SULF2: variants seen among roughly 807,000 people sequenced by gnomAD.
The protein encoded by SULF2 is extracellular sulfatase Sulf-2.
Under a neutral mutation model 107.7 loss-of-function variants are expected in SULF2, and 52 were observed. The observed-to-expected ratio is 0.48, with a 90% confidence interval of 0.39 to 0.61. The LOEUF (loss-of-function observed/expected upper bound fraction) is 0.61, where lower values mean the gene tolerates loss of function less well. Ranked by LOEUF, SULF2 falls within the 20% of genes least tolerant of loss-of-function variation. The probability of loss-of-function intolerance (pLI) is 0.00; values close to 1 mark genes in which losing one functional copy is unlikely to be tolerated. For missense variants in SULF2, 993 were observed against 1,177.3 expected (o/e 0.84, Z 2.29); for synonymous variants, 460 against 464.3 (o/e 0.99, Z 0.12).
intron 3 of SULF2, among the ~76,000 whole-genome samples, chr20:47,725,002 T>A (rs1401363868): frequency 6.6e-6 from 1 of 152,172 alleles, no homozygotes; most frequent in Non-Finnish European, 1.5e-5. Flanking sequence ...AGGAAAGCAA[T>A]TTATAATGAA....
chr20:47,693,465 A>C (rs1426944884), intron 4 of SULF2, among the ~76,000 whole-genome samples: 1 of 152,240 alleles, frequency 6.6e-6, no homozygotes, highest in Non-Finnish European at 1.5e-5. Context: ...ACTTTTTTAA[A>C]AATAAAGCTA....
In SULF2 at chr20:47,663,131, A is replaced by T; in HGVS notation, c.2309T>A (p.Leu770His). 1.2e-6 allele frequency: 2 copies of T among 1,614,138 alleles called. No individual in the cohort carries two copies. The highest frequency in any genetic ancestry group is 1.7e-6 in the Non-Finnish European group (2 of 1,180,030). The change falls in exon 17 of 21, where the codon CTC (leucine) becomes CAC (histidine). Residue 770 changes from leucine to histidine, a missense_variant. This residue lies in a region of SULF2 where 497 missense variants were observed against 544.1 expected (regional missense o/e 0.91). Transcript: ENST00000688720. ...MRTINETHNF[L>H]FCEFATGFLE... is the part of the protein sequence containing the mutation. Reference sequence around the variant, plus strand: ...GAAGCCAGTTGCAAATTCACAGAAGAGGAAATTGTGAGTCTCATTGATGGT... The same window carrying T: ...GAAGCCAGTTGCAAATTCACAGAAGTGGAAATTGTGAGTCTCATTGATGGT...
intron 3 of SULF2, among the ~76,000 whole-genome samples, chr20:47,734,700 T>TAA (rs2089689138): frequency 6.6e-6 from 1 of 152,214 alleles, no homozygotes; most frequent in Non-Finnish European, 1.5e-5. Context: ...AATGGGATTC[T>TAA]TTGTACAGAG....
chr20:47,684,679 T>TGCAGACACAGCACAGG, intron 5 of SULF2, 98 bp from the exon 6 acceptor site: 1 of 1,303,512 alleles, frequency 7.7e-7, no homozygotes, highest in Non-Finnish European at 1.1e-6. Context: ...CACCCTGTGC[T>TGCAGACACAGCACAGG]GTGTCTGCAG....
At chr20:47,764,995 G>T (rs1225632466) in intron 1 of SULF2, among the ~76,000 whole-genome samples, 2 of 152,114 alleles carry the variant, frequency 1.3e-5, no homozygotes, top group African/African-American at 4.8e-5. Context: ...TGCAGCATGG[G>T]TGCTGAATAC....
chr20:47,661,606 A>G, intron 18 of SULF2, 167 bp downstream of exon 18: 3 of 546,022 alleles, frequency 5.5e-6, no homozygotes, highest in Non-Finnish European at 9.0e-6. Context: ...AGCTTGTTAA[A>G]GGTCATCTGC....
chr20:47,657,888 T>G lies in SULF2; in HGVS notation c.*474A>C, dbSNP rs143440459. The G allele has an allele frequency of 2.1e-3, 384 of 185,786 alleles. 1 individual carries two copies. Among genetic ancestry groups the G allele is most frequent in the African/African-American group, 8.6e-3 (364 of 42,372 alleles). The allele number at this position is 185,786 out of a possible 1,614,324, so 11.5% of individuals were successfully genotyped here. On this transcript the variant is annotated 3_prime_UTR_variant, in exon 21 of 21. Coordinates refer to ENST00000688720, the MANE Select transcript of SULF2 (RefSeq NM_001387048.1). ...CATTGTCAAACGTCTCTGCACTGTTTTCAGCCTCTCCACGTTGCCTCTGTC... is the reference window on the plus strand; with the variant it reads ...CATTGTCAAACGTCTCTGCACTGTTGTCAGCCTCTCCACGTTGCCTCTGTC...
intron 3 of SULF2, among the ~76,000 whole-genome samples, chr20:47,729,263 C>G (rs73624697): frequency 0.031 from 4,681 of 152,124 alleles, 126 homozygotes; most frequent in East Asian, 0.11. Context: ...TGAGAGGGTT[C>G]AGAGAGAAGG....
chr20:47,733,472 T>C (rs1021341475), intron 3 of SULF2, among the ~76,000 whole-genome samples: 2 of 152,220 alleles, frequency 1.3e-5, no homozygotes, highest in South Asian at 2.1e-4. Context: ...TAAATATCAT[T>C]AGATGCAACC....
At chr20:47,725,134 G>A (rs535361643) in intron 3 of SULF2, among the ~76,000 whole-genome samples, 1 of 152,338 alleles carries the variant, frequency 6.6e-6, no homozygotes, top group Admixed American at 6.5e-5. Flanking sequence ...AGGGCAGCTG[G>A]GTGGGCGGGC....
rs185721368 is a variant in SULF2, at chr20:47,759,640, C to T, written c.-100-2177G>A. On this transcript the variant is annotated intron_variant, in intron 1 of 20. Transcript: ENST00000688720. ...CTGGGAAATGGAGGTTGCAGTGAGCCGAGATCATGTCATTGCACTCCAGCC... is the reference window on the plus strand; with the variant it reads ...CTGGGAAATGGAGGTTGCAGTGAGCTGAGATCATGTCATTGCACTCCAGCC... 1.4e-3 allele frequency among the ~76,000 whole-genome samples: 212 copies of T among 152,276 alleles called. 1 individual carries two copies. The highest frequency in any genetic ancestry group is 2.1e-3 in the Non-Finnish European group (143 of 68,024).
At chr20:47,660,768 T>G (rs2087038841) in intron 18 of SULF2, among the ~76,000 whole-genome samples, 1 of 152,116 alleles carries the variant, frequency 6.6e-6, no homozygotes, top group African/African-American at 2.4e-5. Context: ...CAACCATGCC[T>G]GTTTAGCTTT....
At chr20:47,727,923 A>C (rs1322341698) in intron 3 of SULF2, among the ~76,000 whole-genome samples, 1 of 152,178 alleles carries the variant, frequency 6.6e-6, no homozygotes. Context: ...AATTAGAGGA[A>C]GAAATTTCGC....
At chr20:47,713,060 G>A (rs2088988353) in intron 3 of SULF2, among the ~76,000 whole-genome samples, 3 of 151,868 alleles carry the variant, frequency 2.0e-5, no homozygotes, top group African/African-American at 7.3e-5. Context: ...GGTGGGGGGA[G>A]AAAAAGAAAG....
chr20:47,670,927 G>A (rs1384269181), intron 11 of SULF2, among the ~76,000 whole-genome samples: 1 of 152,056 alleles, frequency 6.6e-6, no homozygotes, highest in Non-Finnish European at 1.5e-5. Flanking sequence ...GGCTTTGGCT[G>A]TCCTTAGGCC....
intron 1 of SULF2, among the ~76,000 whole-genome samples, chr20:47,773,029 G>A (rs958929112): frequency 2.0e-5 from 3 of 152,056 alleles, no homozygotes; most frequent in South Asian, 2.1e-4. Context: ...GGACTACACC[G>A]GAAACACCAT....
chr20:47,768,933 T>G (rs1263853960), intron 1 of SULF2, among the ~76,000 whole-genome samples: 1 of 144,438 alleles, frequency 6.9e-6, no homozygotes, highest in Non-Finnish European at 1.5e-5. Flanking sequence ...CAGGCTGGAG[T>G]ACAGTGGCAT....
chr20:47,773,016 C>T (rs2090660395), intron 1 of SULF2, among the ~76,000 whole-genome samples: 1 of 152,056 alleles, frequency 6.6e-6, no homozygotes, highest in South Asian at 2.1e-4. Flanking sequence ...TGGGGTGGCG[C>T]CTGGACTACA....
chr20:47,777,843 T>C (rs1264692471), intron 1 of SULF2, among the ~76,000 whole-genome samples: 1 of 152,122 alleles, frequency 6.6e-6, no homozygotes, highest in African/African-American at 2.4e-5. Context: ...AACAGTTTTT[T>C]CAATCTCTTT....
Sources: allele counts gnomAD v4.1 joint callset (sites outside exome capture counted in the v4.1 genomes callset), GRCh38; gene constraint gnomAD v4.1.1; regional missense constraint gnomAD v4.1.1; transcripts MANE v1.5; gene names NCBI Gene and HGNC (gene_info 2026-07-23, HGNC 2026-07-21).